ARRDC5: variants seen among roughly 807,000 people sequenced by gnomAD.
The protein encoded by ARRDC5 is arrestin domain-containing protein 5.
A neutral mutation model predicts 13.3 loss-of-function variants in ARRDC5; 12 were observed. The observed-to-expected ratio is 0.90, with a 90% CI of 0.58 to 1.46. The LOEUF (loss-of-function observed/expected upper bound fraction) is 1.46, where lower values mean the gene tolerates loss of function less well. Ranked by LOEUF, ARRDC5 falls within the 40% of genes most tolerant of loss-of-function variation. The pLI is 0.00. For missense variants in ARRDC5, 406 were observed against 418.7 expected, an observed-to-expected ratio of 0.97 and a Z score of 0.26; for synonymous variants, 181 against 173.4, an observed-to-expected ratio of 1.04 and a Z score of -0.34.
At chr19:4,912,053 C>G in the ARRDC5 span, among the ~76,000 whole-genome samples, 5 of 152,152 alleles carry the variant, frequency 3.3e-5, no homozygotes, top group Non-Finnish European at 5.9e-5. Flanking sequence ...CAGATGAGAC[C>G]TGATGATTAA....
chr19:4,897,993 G>A (rs1450011093), intron 1 of ARRDC5, among the ~76,000 whole-genome samples: 1 of 152,148 alleles, frequency 6.6e-6, no homozygotes, highest in Non-Finnish European at 1.5e-5. Flanking sequence ...AGGCTGAGGT[G>A]GGAGGATAGC....
At chr19:4,898,853 G>A (rs559285209) in intron 1 of ARRDC5, among the ~76,000 whole-genome samples, 1 of 151,478 alleles carries the variant, frequency 6.6e-6, no homozygotes, top group East Asian at 2.0e-4. Flanking sequence ...TCTTGAACTT[G>A]TGACCTCAGG....
rs376068039 is a variant in ARRDC5, at chr19:4,902,699, C to A, written c.127G>T (p.Glu43Ter). 2 of 1,614,024 alleles carry A rather than the reference C, an allele frequency of 1.2e-6. No individual in the cohort carries two copies. The highest frequency in any genetic ancestry group is 2.2e-5 in the South Asian group (2 of 91,088). Residue 43 changes from glutamate (E) to a stop codon, truncating the protein, a stop_gained, in exon 1 of 3, where the codon GAG becomes TAG. Coordinates refer to ENST00000650722, the MANE Select transcript of ARRDC5 (RefSeq NM_001080523.3). LOFTEE classifies it high-confidence loss of function. ...TCGACGTAACCCCTTCCCACGAGCT[C>A]CACCTTCACTATGGGGTCCACCAGG... ...STLVDPIVKV[E>*]LVGRGYVEWS...
At chr19:4,904,241 C>T (rs1040594331), upstream of ARRDC5, among the ~76,000 whole-genome samples, 20 of 150,808 alleles carry the variant, frequency 1.3e-4, no homozygotes, top group African/African-American at 4.4e-4. Flanking sequence ...TGCAGTGGTG[C>T]GATCTCGGCT....
At chr19:4,900,114 G>A (rs1260553457) in intron 1 of ARRDC5, among the ~76,000 whole-genome samples, 1 of 146,816 alleles carries the variant, frequency 6.8e-6, no homozygotes, top group Non-Finnish European at 1.5e-5. Flanking sequence ...CACCGCGCCC[G>A]GCCAGCAGTC....
At chr19:4,899,764 CAAAAAAAAAA>C (rs1217500792) in intron 1 of ARRDC5, among the ~76,000 whole-genome samples, 1 of 67,976 alleles carries the variant, frequency 1.5e-5, no homozygotes, top group East Asian at 5.6e-4. Context: ...CCCGTCTCTA[CAAAAAAAAAA>C]AAAAAAAAAA....
chr19:4,911,478 C>T, the ARRDC5 span, among the ~76,000 whole-genome samples: 92 of 152,216 alleles, frequency 6.0e-4, no homozygotes, highest in Non-Finnish European at 1.3e-3. Flanking sequence ...AAGCATCAGA[C>T]CCTGCGAGTG....
intron 2 of ARRDC5, among the ~76,000 whole-genome samples, chr19:4,892,099 T>G (rs2031533870): frequency 1.3e-5 from 2 of 152,132 alleles, no homozygotes; most frequent in Admixed American, 1.3e-4. Flanking sequence ...TTTTTTGTAT[T>G]TTTTTGGAGA....
chr19:4,902,765 A>C lies in ARRDC5; in HGVS notation c.61T>G (p.Ser21Ala). 6.2e-7 allele frequency: 1 copy of C among 1,613,942 alleles called. No homozygotes were observed. The highest frequency in any genetic ancestry group is 8.5e-7 in the Non-Finnish European group (1 of 1,179,886). The change falls in exon 1 of 3, where the codon TCC (serine) becomes GCC (alanine). Residue 21 changes from serine (S) to alanine (A), a missense_variant. Transcript: ENST00000650722. Reference sequence around the variant, plus strand: ...AAGATCACCTGCCCTTTTATGCTGGAGCCAGCCAGGTAGATTCTATCCTCG... The same window carrying C: ...AAGATCACCTGCCCTTTTATGCTGGCGCCAGCCAGGTAGATTCTATCCTCG... ...LPEDRIYLAG[S>A]SIKGQVILTL...
chr19:4,894,740 G>C (rs922829391), intron 2 of ARRDC5, among the ~76,000 whole-genome samples: 9 of 147,034 alleles, frequency 6.1e-5, no homozygotes, highest in Non-Finnish European at 1.2e-4. Context: ...AAGAGGAAGA[G>C]GAAGAGGAAG....
the ARRDC5 span, among the ~76,000 whole-genome samples, chr19:4,915,633 T>G: frequency 6.6e-6 from 1 of 151,904 alleles, no homozygotes; most frequent in Non-Finnish European, 1.5e-5. Context: ...CGCTTGAACC[T>G]GGGAGGTGGG....
chr19:4,916,778 G>A, the ARRDC5 span, among the ~76,000 whole-genome samples: 9 of 152,232 alleles, frequency 5.9e-5, no homozygotes, highest in Non-Finnish European at 7.3e-5. Context: ...AGACGGGCCA[G>A]CAGGAGCTGT....
rs777982264 is a variant in ARRDC5, at chr19:4,896,665, C to G, written c.459+6G>C. 1 of 1,600,430 alleles carries G rather than the reference C, an allele frequency of 6.2e-7. No individual in the cohort carries two copies. The highest frequency in any genetic ancestry group is 8.6e-7 in the Non-Finnish European group (1 of 1,167,870). Reference sequence around the variant, plus strand: ...GTTCCCACCTCCACCTTTCCCCCATCGGTACCTGGAATGGGGTTTCTTTGT... The same window carrying G: ...GTTCCCACCTCCACCTTTCCCCCATGGGTACCTGGAATGGGGTTTCTTTGT... On this transcript the variant is annotated splice_donor_region_variant and intron_variant, in intron 2 of 2. Transcript: ENST00000650722.
chr19:4,907,633 G>A (rs561748544), upstream of ARRDC5, among the ~76,000 whole-genome samples: 2 of 151,610 alleles, frequency 1.3e-5, no homozygotes, highest in Non-Finnish European at 1.5e-5. Flanking sequence ...GGGGCAGGGC[G>A]GGTTCTAGGA....
upstream of ARRDC5, among the ~76,000 whole-genome samples, chr19:4,904,118 G>T (rs866891489): frequency 6.7e-6 from 1 of 150,366 alleles, no homozygotes; most frequent in South Asian, 2.1e-4. Flanking sequence ...CTGGGATTAC[G>T]GGCATGGGGG....
At chr19:4,909,406 C>T in the ARRDC5 span, 1 of 649,620 alleles carries the variant, frequency 1.5e-6, no homozygotes, top group African/African-American at 1.9e-5. Flanking sequence ...CTTCCCGCCA[C>T]TGCGTCGGCC....
At chr19:4,897,855 G>A (rs2031786562) in intron 1 of ARRDC5, among the ~76,000 whole-genome samples, 1 of 152,248 alleles carries the variant, frequency 6.6e-6, no homozygotes, top group African/African-American at 2.4e-5. Flanking sequence ...GGGAGGCCAA[G>A]GCGGGCGGAT....
At chr19:4,905,108 CTTTTTTT>C (rs61443004), upstream of ARRDC5, among the ~76,000 whole-genome samples, 66 of 95,176 alleles carry the variant, frequency 6.9e-4, no homozygotes, top group African/African-American at 9.6e-4. Context: ...CGTAAACTTT[CTTTTTTT>C]TTTTTTTTTT....
At chr19:4,899,467 C>A (rs1394449544) in intron 1 of ARRDC5, among the ~76,000 whole-genome samples, 1 of 150,958 alleles carries the variant, frequency 6.6e-6, no homozygotes, top group Non-Finnish European at 1.5e-5. Flanking sequence ...CCTGTGTCTA[C>A]TAAAAATACA....
Sources: allele counts gnomAD v4.1 joint callset (sites outside exome capture counted in the v4.1 genomes callset), GRCh38; gene constraint gnomAD v4.1.1; transcripts MANE v1.5; gene names NCBI Gene and HGNC (gene_info 2026-07-23, HGNC 2026-07-21).